Variants in PPP4R4 observed in about 807,000 individuals in gnomAD.
The protein encoded by PPP4R4 is serine/threonine-protein phosphatase 4 regulatory subunit 4.
In PPP4R4, 70 loss-of-function variants were observed where a neutral mutation model predicts 121.8. The ratio of observed to expected loss-of-function variants is 0.57; its 90% confidence interval spans 0.47 to 0.70. The LOEUF is 0.70. PPP4R4 is among the 30% of genes least tolerant of loss of function. PPP4R4 has a pLI of 0.00. For synonymous variants in PPP4R4, 348 were observed against 355.7 expected (o/e 0.98, Z 0.24); for missense variants, 875 against 1,033.6 (o/e 0.85, Z 2.10).
intron 2 of PPP4R4, among the ~76,000 whole-genome samples, chr14:94,177,078 A>G (rs1888718344): frequency 6.6e-6 from 1 of 152,152 alleles, no homozygotes; most frequent in Admixed American, 6.5e-5. Context: ...TTCTGTAAAA[A>G]AAAAAAATCC....
chr14:94,265,241 G>C (rs929549318), intron 20 of PPP4R4, 146 bp from the exon 21 acceptor site: 6 of 646,586 alleles, frequency 9.3e-6, no homozygotes, highest in Admixed American at 2.9e-5. Flanking sequence ...ATTGAAATAT[G>C]TAAATATTAC....
chr14:94,278,424 T>C (rs1894756043), intron 24 of PPP4R4, among the ~76,000 whole-genome samples, 195 bp from the exon 25 acceptor site: 1 of 152,242 alleles, frequency 6.6e-6, no homozygotes, highest in Non-Finnish European at 1.5e-5. Context: ...AAGTAATCTT[T>C]AATGTGTAAT....
At chr14:94,228,880 G>T (rs117530439) in intron 3 of PPP4R4, among the ~76,000 whole-genome samples, 470 of 152,252 alleles carry the variant, frequency 3.1e-3, no homozygotes, top group Non-Finnish European at 4.7e-3. Context: ...GTAAAGGGGG[G>T]TAGTGAGAAC....
chr14:94,253,026 A>G (rs1435446557), intron 16 of PPP4R4, among the ~76,000 whole-genome samples: 1 of 152,226 alleles, frequency 6.6e-6, no homozygotes, highest in African/African-American at 2.4e-5. Context: ...ATGGGAACAA[A>G]TCTAGAAGTT....
chr14:94,278,523 T>C, intron 24 of PPP4R4, 96 bp from the exon 25 acceptor site: 1 of 679,240 alleles, frequency 1.5e-6, no homozygotes, highest in South Asian at 2.2e-5. Context: ...GTACACATTA[T>C]ATGAATAACA....
intron 2 of PPP4R4, among the ~76,000 whole-genome samples, chr14:94,177,080 A>G (rs1187878689): frequency 2.0e-5 from 3 of 152,192 alleles, no homozygotes; most frequent in African/African-American, 7.2e-5. Flanking sequence ...CTGTAAAAAA[A>G]AAAAATCCCT....
intron 17 of PPP4R4, among the ~76,000 whole-genome samples, chr14:94,257,669 ACACACACTT>A (rs1893549450): frequency 6.6e-6 from 1 of 151,708 alleles, no homozygotes; most frequent in African/African-American, 2.4e-5. Flanking sequence ...ACACACACAC[ACACACACTT>A]GTTTCTACCA....
chr14:94,248,021 C>T (rs1346679890), intron 14 of PPP4R4, among the ~76,000 whole-genome samples: 2 of 152,188 alleles, frequency 1.3e-5, no homozygotes, highest in Admixed American at 1.3e-4. Context: ...GATGCCCACT[C>T]ATACCACTCC....
intron 17 of PPP4R4, 58 bp from the exon 18 acceptor site, chr14:94,258,725 A>T (rs954354945): frequency 7.8e-7 from 1 of 1,279,032 alleles, no homozygotes; most frequent in Non-Finnish European, 1.1e-6. Context: ...GTTGCTGAGA[A>T]ATGATTGGTT....
At chr14:94,226,944 A>T (rs1429767075) in intron 3 of PPP4R4, among the ~76,000 whole-genome samples, 1 of 152,190 alleles carries the variant, frequency 6.6e-6, no homozygotes, top group African/African-American at 2.4e-5. Flanking sequence ...GTGTATTTTA[A>T]GGAGAAATAT....
intron 3 of PPP4R4, among the ~76,000 whole-genome samples, chr14:94,214,753 G>A (rs1299960539): frequency 2.0e-5 from 3 of 152,098 alleles, no homozygotes; most frequent in Non-Finnish European, 4.4e-5. Context: ...CACAGATTGA[G>A]CATTCCTAAT....
chr14:94,250,096 A>C (rs955025980), intron 14 of PPP4R4, 76 bp from the exon 15 acceptor site: 2 of 964,510 alleles, frequency 2.1e-6, no homozygotes, highest in African/African-American at 1.6e-5. Context: ...AATAACTTAA[A>C]ATTGATTTGG....
intron 9 of PPP4R4, 37 bp from the exon 10 acceptor site, chr14:94,241,751 A>G (rs533099808): frequency 4.1e-6 from 6 of 1,471,632 alleles, no homozygotes; most frequent in Admixed American, 2.5e-5. Context: ...TTTGTTTTCA[A>G]TTGAAATGTT....
intron 2 of PPP4R4, among the ~76,000 whole-genome samples, chr14:94,193,269 G>C (rs904246760): frequency 2.0e-5 from 3 of 152,152 alleles, no homozygotes; most frequent in African/African-American, 7.2e-5. Flanking sequence ...AAAGCTGATA[G>C]ATGTGTTTGG....
At chr14:94,179,361 G>T (rs994304) in intron 2 of PPP4R4, among the ~76,000 whole-genome samples, 122,823 of 152,158 alleles carry the variant, frequency 0.81, 50,098 homozygotes, top group Admixed American at 0.85. Flanking sequence ...CTTAGCATAA[G>T]GTGTTCAAGG....
At chr14:94,245,380 A>T (rs1486711145) in intron 12 of PPP4R4, among the ~76,000 whole-genome samples, 1 of 152,160 alleles carries the variant, frequency 6.6e-6, no homozygotes, top group Admixed American at 6.5e-5. Context: ...AGGTACACTA[A>T]TCTCTTTTTG....
intron 12 of PPP4R4, 123 bp downstream of exon 12, chr14:94,244,835 C>T: frequency 4.3e-6 from 4 of 934,948 alleles, no homozygotes; most frequent in Non-Finnish European, 5.8e-6. Context: ...CCAGAAGCTT[C>T]AAATTGTTGT....
At chr14:94,207,138 A>T (rs1890499304) in intron 2 of PPP4R4, among the ~76,000 whole-genome samples, 1 of 152,078 alleles carries the variant, frequency 6.6e-6, no homozygotes, top group East Asian at 1.9e-4. Context: ...TTTAAAAATT[A>T]AGACAATAAT....
intron 16 of PPP4R4, among the ~76,000 whole-genome samples, chr14:94,256,160 T>C (rs1950646): frequency 0.39 from 58,566 of 152,038 alleles, 13,717 homozygotes; most frequent in African/African-American, 0.65. Context: ...GTCTTTATTC[T>C]TCACTTTATT....
Sources: allele counts gnomAD v4.1 joint callset (sites outside exome capture counted in the v4.1 genomes callset), GRCh38; gene constraint gnomAD v4.1.1; transcripts MANE v1.5; gene names NCBI Gene and HGNC (gene_info 2026-07-23, HGNC 2026-07-21).